Variants in NRG1 observed in about 807,000 individuals in gnomAD.
NRG1 encodes neuregulin 1.
Under a neutral mutation model 63.8 loss-of-function variants are expected in NRG1, and 18 were observed. The ratio of observed to expected loss-of-function variants is 0.28; its 90% CI spans 0.19 to 0.42. The LOEUF is 0.42. NRG1 is among the 10% of genes least tolerant of loss of function. NRG1 has a pLI of 1.00. For missense variants in NRG1, 762 were observed against 814.7 expected (o/e 0.94, Z 0.79); for synonymous variants, 302 against 301.3 (o/e 1.00, Z -0.02).
chr8:31,982,563 G>A (rs1809322215), intron 1 of NRG1, among the ~76,000 whole-genome samples: 2 of 152,070 alleles, frequency 1.3e-5, no homozygotes, highest in South Asian at 4.1e-4. Flanking sequence ...GGGATTTGGA[G>A]CATCTGGAGC....
At chr8:31,904,577 A>T (rs1314222380) in intron 1 of NRG1, among the ~76,000 whole-genome samples, 2 of 152,210 alleles carry the variant, frequency 1.3e-5, no homozygotes, top group Admixed American at 6.5e-5. Flanking sequence ...ACACGCATGC[A>T]TATGTTCATC....
At chr8:32,505,751 C>T (rs971184586) in intron 1 of NRG1, among the ~76,000 whole-genome samples, 6 of 152,172 alleles carry the variant, frequency 3.9e-5, no homozygotes, top group East Asian at 1.9e-4. Flanking sequence ...GGAGGCAATA[C>T]GGAGATGGGA....
At chr8:32,217,602 C>T (rs1380488701) in intron 1 of NRG1, among the ~76,000 whole-genome samples, 1 of 152,100 alleles carries the variant, frequency 6.6e-6, no homozygotes, top group African/African-American at 2.4e-5. Context: ...AATAAAAAAG[C>T]TTAACCATTT....
At chr8:31,868,919 A>T (rs1265540593) in intron 1 of NRG1, among the ~76,000 whole-genome samples, 1 of 152,190 alleles carries the variant, frequency 6.6e-6, no homozygotes, top group East Asian at 1.9e-4. Flanking sequence ...ATCTCAAGTG[A>T]TCACCTCTAA....
At chr8:32,595,095 G>A (rs777490158) in intron 1 of NRG1, among the ~76,000 whole-genome samples, 10 of 152,106 alleles carry the variant, frequency 6.6e-5, no homozygotes, top group Admixed American at 2.6e-4. Context: ...TGCTTCCTGC[G>A]CCTATTCACA....
chr8:32,069,688 T>A (rs1825455147), intron 1 of NRG1, among the ~76,000 whole-genome samples: 2 of 152,200 alleles, frequency 1.3e-5, no homozygotes, highest in South Asian at 4.2e-4. Context: ...GAGACTAGCA[T>A]CAACCCATGA....
chr8:32,517,649 T>C (rs184473539), intron 1 of NRG1, among the ~76,000 whole-genome samples: 40 of 152,334 alleles, frequency 2.6e-4, no homozygotes, highest in Admixed American at 2.6e-3. Flanking sequence ...CCTATGCTTT[T>C]GAAAGCTTGA....
At chr8:32,524,116 G>C (rs1309645004) in intron 1 of NRG1, among the ~76,000 whole-genome samples, 4 of 151,880 alleles carry the variant, frequency 2.6e-5, no homozygotes, top group African/African-American at 4.8e-5. Context: ...GCGAAACTCT[G>C]TTTCTATAAA....
intron 1 of NRG1, among the ~76,000 whole-genome samples, chr8:32,180,403 G>A (rs1028874080): frequency 5.9e-5 from 9 of 152,044 alleles, no homozygotes; most frequent in African/African-American, 2.2e-4. Flanking sequence ...TTAAATGCAT[G>A]TTTAAAATAC....
At chr8:31,949,595 AT>A (rs1261258931) in intron 1 of NRG1, among the ~76,000 whole-genome samples, 4 of 152,168 alleles carry the variant, frequency 2.6e-5, no homozygotes, top group Non-Finnish European at 5.9e-5. Context: ...TTCCTCTGGA[AT>A]CATGAGCTGC....
At chr8:32,457,099 T>C (rs1821688985) in intron 1 of NRG1, among the ~76,000 whole-genome samples, 1 of 152,156 alleles carries the variant, frequency 6.6e-6, no homozygotes, top group Non-Finnish European at 1.5e-5. Context: ...GCCATTGCAC[T>C]CCAGCCTAAG....
intron 1 of NRG1, among the ~76,000 whole-genome samples, chr8:32,088,878 T>A (rs1301671998): frequency 3.9e-5 from 6 of 151,936 alleles, no homozygotes; most frequent in Non-Finnish European, 8.8e-5. Context: ...CAAAAAAAAA[T>A]GATTTCTTTA....
At chr8:32,685,095 T>C (rs1809742637) in intron 5 of NRG1, among the ~76,000 whole-genome samples, 2 of 152,282 alleles carry the variant, frequency 1.3e-5, no homozygotes, top group South Asian at 2.1e-4. Flanking sequence ...ATACGGAATA[T>C]TTTCATCAGC....
At chr8:32,152,772 C>A (rs1012531712) in intron 1 of NRG1, among the ~76,000 whole-genome samples, 5 of 152,144 alleles carry the variant, frequency 3.3e-5, no homozygotes, top group African/African-American at 1.2e-4. Context: ...ATTTGCTCAT[C>A]CACTTTCAAG....
intron 1 of NRG1, among the ~76,000 whole-genome samples, chr8:32,010,423 A>T (rs1035202822): frequency 7.2e-5 from 11 of 151,990 alleles, no homozygotes; most frequent in African/African-American, 2.7e-4. Flanking sequence ...AATTTTTCTT[A>T]TATCTAGAAA....
At chr8:32,303,662 C>T (rs777040559) in intron 1 of NRG1, among the ~76,000 whole-genome samples, 3 of 152,178 alleles carry the variant, frequency 2.0e-5, no homozygotes, top group Admixed American at 6.5e-5. Flanking sequence ...GTAATGGTTT[C>T]GTTTTCTCAT....
chr8:32,629,870 AAC>A (rs1190270629), intron 5 of NRG1, among the ~76,000 whole-genome samples: 58 of 152,306 alleles, frequency 3.8e-4, no homozygotes, highest in African/African-American at 1.3e-3. Flanking sequence ...GAAGTGCCGC[AAC>A]AGTGTCAATA....
chr8:32,210,445 C>T (rs930388063), intron 1 of NRG1, among the ~76,000 whole-genome samples: 15 of 152,164 alleles, frequency 9.9e-5, no homozygotes, highest in African/African-American at 3.6e-4. Context: ...ATCTCACAGA[C>T]CTCCCGAAAG....
At chr8:32,217,716 T>C (rs1845390519) in intron 1 of NRG1, among the ~76,000 whole-genome samples, 1 of 152,242 alleles carries the variant, frequency 6.6e-6, no homozygotes, top group Non-Finnish European at 1.5e-5. Flanking sequence ...TTCTTAAATT[T>C]ATTCATTCAT....
Sources: gnomAD v4.1 joint callset for allele counts (sites outside exome capture counted in the v4.1 genomes callset) on GRCh38, gnomAD v4.1.1 for gene constraint, MANE v1.5 for transcripts, NCBI Gene and HGNC (gene_info 2026-07-23, HGNC 2026-07-21) for gene names.